PTPRS: variants seen among roughly 807,000 people sequenced by gnomAD.
PTPRS encodes the protein receptor-type tyrosine-protein phosphatase S.
In PTPRS, 63 loss-of-function variants were observed where a neutral mutation model predicts 215.3. The ratio of observed to expected loss-of-function variants is 0.29; its 90% CI spans 0.24 to 0.36. The LOEUF is 0.36. PTPRS is among the 10% of genes least tolerant of loss of function. The pLI, the probability that PTPRS is intolerant of heterozygous loss-of-function variation, is 1.00. For synonymous variants in PTPRS, 1,404 were observed against 1,191.4 expected, an observed-to-expected ratio of 1.18 and a Z score of -3.68; for missense variants, 2,258 against 2,825.8, an observed-to-expected ratio of 0.80 and a Z score of 4.56.
At chr19:5,246,944 G>A (rs1026824235) in intron 9 of PTPRS, among the ~76,000 whole-genome samples, 1 of 152,020 alleles carries the variant, frequency 6.6e-6, no homozygotes, top group Non-Finnish European at 1.5e-5. Context: ...AAAGGAGGGA[G>A]GAACTGCAGG....
At chr19:5,211,845 T>C (rs550972113) in intron 32 of PTPRS, 77 bp from the exon 33 acceptor site, 38 of 1,580,660 alleles carry the variant, frequency 2.4e-5, no homozygotes, top group African/African-American at 9.4e-5. Flanking sequence ...CAATGGTGGA[T>C]AGGTAGGTAG....
chr19:5,267,855 C>T (rs2046551797), intron 4 of PTPRS, among the ~76,000 whole-genome samples: 1 of 152,112 alleles, frequency 6.6e-6, no homozygotes, highest in East Asian at 1.9e-4. Context: ...GCAAAAACAG[C>T]CCTGTAGCTG....
At chr19:5,241,047 G>A (rs1405664577) in intron 11 of PTPRS, among the ~76,000 whole-genome samples, 6 of 148,954 alleles carry the variant, frequency 4.0e-5, no homozygotes, top group African/African-American at 1.5e-4. Flanking sequence ...CCGCCACCAC[G>A]CCCGGCTAAC....
At chr19:5,332,169 C>A (rs1329127450) in intron 1 of PTPRS, among the ~76,000 whole-genome samples, 2 of 151,950 alleles carry the variant, frequency 1.3e-5, no homozygotes, top group African/African-American at 2.4e-5. Flanking sequence ...CTCTATCGCC[C>A]AGGCTGGAGT....
chr19:5,266,495 A>C (rs1192642055), intron 4 of PTPRS, among the ~76,000 whole-genome samples: 2 of 151,830 alleles, frequency 1.3e-5, no homozygotes, highest in Non-Finnish European at 2.9e-5. Context: ...CTCGTCGGCC[A>C]GGCTGGAAGG....
chr19:5,287,094 G>A lies in PTPRS; in HGVS notation c.-94-860C>T, dbSNP rs1159486328. Among the ~76,000 whole-genome samples the A allele has an allele frequency of 6.6e-6, 1 of 152,146 alleles. No individual in the cohort carries two copies. Among genetic ancestry groups the A allele is most frequent in the Non-Finnish European group, 1.5e-5 (1 of 68,026 alleles). Reference sequence around the variant, plus strand: ...AGAGCCCCCAGGGGAAGCCACTCTTGCTGACTTCACTGTTTCCTCTCGCTT... The same window carrying A: ...AGAGCCCCCAGGGGAAGCCACTCTTACTGACTTCACTGTTTCCTCTCGCTT... On this transcript the variant is annotated intron_variant, in intron 1 of 37. Transcript: ENST00000262963. The surrounding 1 kb of genome is among the most constrained non-coding windows in gnomAD (Gnocchi z 4.8).
intron 4 of PTPRS, among the ~76,000 whole-genome samples, chr19:5,268,273 T>C (rs1302021679): frequency 1.3e-5 from 2 of 152,060 alleles, no homozygotes; most frequent in African/African-American, 4.8e-5. Flanking sequence ...TGGCAGAGTT[T>C]TGGGTTGTTG....
rs993849105 is a variant in PTPRS at position 5,339,346 on chromosome 19, T to C, written c.-95+1318A>G. Among the ~76,000 whole-genome samples, 1 of 151,798 alleles carries C rather than the reference T, an allele frequency of 6.6e-6. No individual in the cohort carries two copies. The highest frequency in any genetic ancestry group is 1.5e-5 in the Non-Finnish European group (1 of 67,968). On this transcript the variant is annotated intron_variant, in intron 1 of 37. Coordinates refer to ENST00000262963, the MANE Select transcript of PTPRS (RefSeq NM_002850.4). The surrounding 1 kb of genome is among the most constrained non-coding windows in gnomAD (Gnocchi z 4.2). ...CAGAGGAAGGGGCGTTCTTGGAAGC[T>C]GCATATTTAGGGAGACGAGAAGACG...
At chr19:5,335,150 A>G (rs1260098946) in intron 1 of PTPRS, among the ~76,000 whole-genome samples, 1 of 152,118 alleles carries the variant, frequency 6.6e-6, no homozygotes, top group Non-Finnish European at 1.5e-5. Flanking sequence ...GCCTCATCCG[A>G]GGGTCCCAGG....
chr19:5,226,604 C>A (rs1233862867), intron 16 of PTPRS, among the ~76,000 whole-genome samples: 1 of 150,432 alleles, frequency 6.6e-6, no homozygotes, highest in Non-Finnish European at 1.5e-5. Context: ...AGCAAAAAAG[C>A]CAGGCGTGGT....
intron 12 of PTPRS, 32 bp from the exon 13 acceptor site, chr19:5,239,095 AT>A: frequency 2.1e-6 from 3 of 1,397,108 alleles, no homozygotes; most frequent in Non-Finnish European, 1.9e-6. Flanking sequence ...ACAGAGAGGG[AT>A]GGGGGAGAGA....
At chr19:5,308,996 G>A (rs2049597957) in intron 1 of PTPRS, among the ~76,000 whole-genome samples, 1 of 152,168 alleles carries the variant, frequency 6.6e-6, no homozygotes, top group African/African-American at 2.4e-5. Flanking sequence ...AGTGGAGGAT[G>A]CTCACCAAGA....
At chr19:5,232,558 G>A (rs1364246866) in intron 13 of PTPRS, among the ~76,000 whole-genome samples, 1 of 149,206 alleles carries the variant, frequency 6.7e-6, no homozygotes, top group Non-Finnish European at 1.5e-5. Context: ...AGCAACAGAA[G>A]CTCCATTTAT....
At chr19:5,264,899 ACT>A in intron 5 of PTPRS, 107 bp downstream of exon 5, 1 of 1,295,618 alleles carries the variant, frequency 7.7e-7, no homozygotes, top group South Asian at 1.3e-5. Flanking sequence ...ACGGCCACAC[ACT>A]GTCTCTGTCT....
rs752921320 is a variant in PTPRS at position 5,210,490 on chromosome 19, C to T, written c.5466G>A (p.Glu1822=). The T allele has an allele frequency of 1.9e-6, 3 of 1,614,098 alleles. No homozygotes were observed. The highest frequency in any genetic ancestry group is 2.5e-6 in the Non-Finnish European group (3 of 1,180,038). Residue 1822 remains glutamate (E), a synonymous_variant, in exon 35 of 38, where the codon GAG becomes GAA. Coordinates refer to ENST00000262963, the MANE Select transcript of PTPRS (RefSeq NM_002850.4). The surrounding 1 kb of genome is among the most constrained non-coding windows in gnomAD (Gnocchi z 4.5). ...EYNMPQYILR[E]FKVTDARDGQ... ...TCACCCGGGCATCTGTGACCTTGAA[C>T]TCTCGCAGGATATACTGAGGCATGT...
At chr19:5,320,311 G>A (rs11880838) in intron 1 of PTPRS, among the ~76,000 whole-genome samples, 28,908 of 152,128 alleles carry the variant, frequency 0.19, 2,774 homozygotes, top group South Asian at 0.23. Flanking sequence ...GGGAGAGGGG[G>A]TACACGGACC....
chr19:5,260,132 G>C (rs1364234702), intron 7 of PTPRS, among the ~76,000 whole-genome samples: 2 of 151,854 alleles, frequency 1.3e-5, no homozygotes, highest in Admixed American at 6.6e-5. Flanking sequence ...CTCCAGATCA[G>C]AAAGAACTGT....
At chr19:5,232,063 T>G (rs2043063701) in intron 13 of PTPRS, among the ~76,000 whole-genome samples, 1 of 150,888 alleles carries the variant, frequency 6.6e-6, no homozygotes, top group South Asian at 2.1e-4. Context: ...CTTCACAAAA[T>G]AGTAAAAGCA....
chr19:5,257,522 TC>T lies in PTPRS; in HGVS notation c.706+494del. ...CAGCCTCGAAGACCCCTCCTCAACT[TC>T]TAGATTGAGGGCCCTGGATTAGGGG... On this transcript the variant is annotated intron_variant, in intron 8 of 37. Coordinates refer to ENST00000262963, the MANE Select transcript of PTPRS (RefSeq NM_002850.4). This position sits in a 1 kb window ranked among gnomAD's most constrained non-coding sequence, Gnocchi z 4.4. The T allele has an allele frequency of 2.2e-6, 1 of 448,374 alleles. No homozygotes were observed. Among genetic ancestry groups the T allele is most frequent in the East Asian group, 7.1e-5 (1 of 14,010 alleles). 27.8% of individuals were successfully genotyped at this position (448,374 alleles called of 1,614,324 possible).
Sources: gnomAD v4.1 joint callset for allele counts (sites outside exome capture counted in the v4.1 genomes callset) on GRCh38, gnomAD v4.1.1 for gene constraint, Gnocchi (gnomAD v3.1) non-coding constraint, MANE v1.5 for transcripts, NCBI Gene and HGNC (gene_info 2026-07-23, HGNC 2026-07-21) for gene names.